The following GALNTL6 variants were observed in gnomAD, a reference collection of about 807,000 sequenced individuals.
GALNTL6 encodes the protein polypeptide N-acetylgalactosaminyltransferase like 6.
GALNTL6 carries 46 observed loss-of-function variants against 73.7 expected under a neutral mutation model. The observed-to-expected ratio is 0.62, with a 90% confidence interval of 0.49 to 0.80. The LOEUF (loss-of-function observed/expected upper bound fraction) is 0.80, where lower values mean the gene tolerates loss of function less well. Ranked by LOEUF, GALNTL6 falls within the 30% of genes least tolerant of loss-of-function variation. The pLI, the probability that GALNTL6 is intolerant of heterozygous loss-of-function variation, is 0.00. For missense variants in GALNTL6, 604 were observed against 755.0 expected, an observed-to-expected ratio of 0.80 and a Z score of 2.34; for synonymous variants, 259 against 263.7, an observed-to-expected ratio of 0.98 and a Z score of 0.17.
At chr4:172,641,389 C>A (rs1214149981) in intron 5 of GALNTL6, among the ~76,000 whole-genome samples, 2 of 152,030 alleles carry the variant, frequency 1.3e-5, no homozygotes, top group Non-Finnish European at 2.9e-5. Flanking sequence ...ACTCCCTATC[C>A]CCTTAACGCT....
intron 5 of GALNTL6, among the ~76,000 whole-genome samples, chr4:172,598,392 T>C (rs1229622950): frequency 6.6e-6 from 1 of 152,080 alleles, no homozygotes; most frequent in Non-Finnish European, 1.5e-5. Flanking sequence ...AACAGCAAAA[T>C]ATAATGAGGA....
chr4:172,398,438 C>A (rs1360165516), intron 5 of GALNTL6, among the ~76,000 whole-genome samples: 1 of 152,118 alleles, frequency 6.6e-6, no homozygotes, highest in Admixed American at 6.6e-5. Flanking sequence ...TCATTCAGGG[C>A]ATCCTTGTCC....
chr4:172,157,468 C>G (rs1734322216), intron 2 of GALNTL6, among the ~76,000 whole-genome samples: 1 of 152,114 alleles, frequency 6.6e-6, no homozygotes, highest in African/African-American at 2.4e-5. Flanking sequence ...GCAGCCTACA[C>G]CAATGGTTAA....
intron 5 of GALNTL6, among the ~76,000 whole-genome samples, chr4:172,469,721 A>C (rs904099379): frequency 1.3e-5 from 2 of 152,240 alleles, no homozygotes; most frequent in Non-Finnish European, 2.9e-5. Context: ...TCCTATTTTA[A>C]AGGACACACT....
intron 2 of GALNTL6, among the ~76,000 whole-genome samples, chr4:171,890,269 C>A (rs965861164): frequency 1.1e-4 from 17 of 152,208 alleles, no homozygotes; most frequent in East Asian, 7.7e-4. Flanking sequence ...ATATTACATT[C>A]TTCTAATTTT....
intron 3 of GALNTL6, among the ~76,000 whole-genome samples, chr4:172,292,013 C>G (rs1416664336): frequency 6.6e-6 from 1 of 152,082 alleles, no homozygotes; most frequent in Non-Finnish European, 1.5e-5. Context: ...ACCAAATTAT[C>G]TGTTCAAGTT....
intron 5 of GALNTL6, among the ~76,000 whole-genome samples, chr4:172,458,690 A>C (rs1732498829): frequency 1.3e-5 from 2 of 152,196 alleles, no homozygotes; most frequent in South Asian, 4.1e-4. Context: ...AAATCCTTGA[A>C]TAGACAAGTT....
chr4:172,352,409 C>A (rs1741973193), intron 5 of GALNTL6, among the ~76,000 whole-genome samples: 1 of 152,096 alleles, frequency 6.6e-6, no homozygotes, highest in Non-Finnish European at 1.5e-5. Context: ...CTGAAGCTTA[C>A]CAAAGTTAGT....
chr4:172,467,621 T>C (rs1732869984), intron 5 of GALNTL6, among the ~76,000 whole-genome samples: 1 of 152,132 alleles, frequency 6.6e-6, no homozygotes, highest in African/African-American at 2.4e-5. Flanking sequence ...TACCACTTCC[T>C]ATTGGCCAAA....
At chr4:171,991,344 T>C (rs1468327271) in intron 2 of GALNTL6, among the ~76,000 whole-genome samples, 1 of 152,092 alleles carries the variant, frequency 6.6e-6, no homozygotes, top group East Asian at 1.9e-4. Context: ...TTCTGAAATA[T>C]TTCCCAAATC....
rs1423421049 is a variant in GALNTL6 at position 172,405,427 on chromosome 4, ATATATATATATATATATTTTTTTTT to A, written c.553+56740_553+56764del. Among the ~76,000 whole-genome samples, 108 of 19,184 alleles carry A rather than the reference ATATATATATATATATATTTTTTTTT, an allele frequency of 5.6e-3. 5 individuals are homozygous for A. The highest frequency in any genetic ancestry group is 0.014 in the African/African-American group (103 of 7,164). The allele number at this position is 19,184 out of a possible 152,430, so 12.6% of individuals were successfully genotyped here. On this transcript the variant is annotated intron_variant, in intron 5 of 12. Transcript: ENST00000506823. ...GATATATATATATATATATATATAT[ATATATATATATATATATTTTTTTTT>A]TTTTTTTTTTTTTTCTCCTTGCATT...
intron 10 of GALNTL6, among the ~76,000 whole-genome samples, chr4:173,001,032 A>G (rs901810257): frequency 1.3e-5 from 2 of 152,104 alleles, no homozygotes; most frequent in Non-Finnish European, 2.9e-5. Flanking sequence ...TAAAAAGGGG[A>G]AATTTGGACA....
chr4:172,401,030 C>T (rs976131467), intron 5 of GALNTL6, among the ~76,000 whole-genome samples: 9 of 152,040 alleles, frequency 5.9e-5, no homozygotes, highest in African/African-American at 2.2e-4. Flanking sequence ...AAAGCAAATC[C>T]AATTCATCCT....
chr4:172,863,818 A>C lies in GALNTL6; in HGVS notation c.924-18972A>C, dbSNP rs542571649. Among the ~76,000 whole-genome samples, 4 of 152,278 alleles carry C rather than the reference A, an allele frequency of 2.6e-5. No individual in the cohort carries two copies. The South Asian group carries it at 8.3e-4, about 32-fold the overall frequency. Reference sequence around the variant, plus strand: ...GAGGAAATGAGATTTGGGAGGAGCCAGGGGTGGAATTATATGGTTTGGCTG... The same window carrying C: ...GAGGAAATGAGATTTGGGAGGAGCCCGGGGTGGAATTATATGGTTTGGCTG... On this transcript the variant is annotated intron_variant, in intron 7 of 12. Transcript: ENST00000506823.
chr4:172,315,511 A>G (rs1488056297), intron 4 of GALNTL6, among the ~76,000 whole-genome samples: 1 of 152,200 alleles, frequency 6.6e-6, no homozygotes, highest in Non-Finnish European at 1.5e-5. Flanking sequence ...TTGGCCTCCC[A>G]AAGTGCTAGG....
At chr4:172,038,585 A>G (rs1370874602) in intron 2 of GALNTL6, among the ~76,000 whole-genome samples, 1 of 152,190 alleles carries the variant, frequency 6.6e-6, no homozygotes, top group Non-Finnish European at 1.5e-5. Flanking sequence ...TAGTCCACAA[A>G]TTAATACATT....
intron 3 of GALNTL6, among the ~76,000 whole-genome samples, chr4:172,261,151 G>A (rs1738244999): frequency 1.3e-5 from 2 of 151,158 alleles, no homozygotes; most frequent in African/African-American, 4.8e-5. Flanking sequence ...CCCTTTCTCT[G>A]TCTTTTAGAA....
intron 5 of GALNTL6, among the ~76,000 whole-genome samples, chr4:172,416,638 T>G (rs1730847143): frequency 1.3e-5 from 2 of 152,184 alleles, no homozygotes; most frequent in Non-Finnish European, 2.9e-5. Flanking sequence ...TAAAGAGGAT[T>G]TTAATTCATA....
intron 8 of GALNTL6, among the ~76,000 whole-genome samples, chr4:172,892,519 C>T (rs1476018656): frequency 1.3e-5 from 2 of 151,622 alleles, no homozygotes; most frequent in Non-Finnish European, 2.9e-5. Context: ...CAGTAGACGG[C>T]GCTTAAGAGT....
Sources: gnomAD v4.1 joint callset for allele counts (sites outside exome capture counted in the v4.1 genomes callset) on GRCh38, gnomAD v4.1.1 for gene constraint, MANE v1.5 for transcripts, NCBI Gene and HGNC (gene_info 2026-07-23, HGNC 2026-07-21) for gene names.